The following ANXA5 variants were observed in gnomAD, a reference collection of about 807,000 sequenced individuals.
ANXA5 encodes annexin A5.
A neutral mutation model predicts 48.1 loss-of-function variants in ANXA5; 40 were observed. The ratio of observed to expected loss-of-function variants is 0.83; its 90% CI spans 0.65 to 1.08. ANXA5 has a LOEUF of 1.08. ANXA5 is among the 50% of genes least tolerant of loss of function. The pLI is 0.00. For synonymous variants in ANXA5, 113 were observed against 129.1 expected, an observed-to-expected ratio of 0.88 and a Z score of 0.85; for missense variants, 357 against 376.8, an observed-to-expected ratio of 0.95 and a Z score of 0.44.
intron 9 of ANXA5, 145 bp from the exon 10 acceptor site, chr4:121,671,787 G>A (rs1389998158): frequency 1.6e-6 from 1 of 630,676 alleles, no homozygotes. Context: ...AAGCCTCAAT[G>A]TGCCAAGCCC....
At chr4:121,668,676 G>T in intron 12 of ANXA5, 149 bp from the exon 13 acceptor site, 1 of 666,400 alleles carries the variant, frequency 1.5e-6, no homozygotes, top group Non-Finnish European at 2.6e-6. Context: ...TGTTATGCAG[G>T]GAGTTTCCTA....
chr4:121,693,234 G>C (rs6534312), intron 2 of ANXA5, among the ~76,000 whole-genome samples: 66,173 of 151,028 alleles, frequency 0.44, 16,028 homozygotes, highest in East Asian at 0.73. Flanking sequence ...ACTCCATCTC[G>C]GGGGAGAAAA....
intron 5 of ANXA5, 129 bp from the exon 6 acceptor site, chr4:121,681,890 G>A (rs542213214): frequency 1.7e-6 from 1 of 589,896 alleles, no homozygotes; most frequent in East Asian, 2.9e-5. Flanking sequence ...GGATTTCTTT[G>A]TATATGAGTT....
At chr4:121,673,938 T>G (rs1724653105) in intron 8 of ANXA5, among the ~76,000 whole-genome samples, 2 of 151,764 alleles carry the variant, frequency 1.3e-5, no homozygotes, top group South Asian at 4.2e-4. Context: ...TCCCAGCATT[T>G]TGGGACGCTG....
chr4:121,693,864 CA>C (rs138346575), intron 2 of ANXA5, among the ~76,000 whole-genome samples: 2,967 of 152,292 alleles, frequency 0.019, 109 homozygotes, highest in African/African-American at 0.067. Flanking sequence ...AAGATGCAAT[CA>C]ATATCCAGTC....
At chr4:121,695,685 T>A (rs1725067038) in intron 2 of ANXA5, among the ~76,000 whole-genome samples, 1 of 152,126 alleles carries the variant, frequency 6.6e-6, no homozygotes, top group Non-Finnish European at 1.5e-5. Context: ...GGAGGATCAC[T>A]TGAGGCAAGG....
Position 121,668,357 on chromosome 4 carries a change from GTAT to G in ANXA5, c.*108_*110del. The G allele has an allele frequency of 3.3e-6, 3 of 902,350 alleles. No individual in the cohort carries two copies. Among genetic ancestry groups the G allele is most frequent in the Non-Finnish European group, 5.5e-6 (3 of 547,846 alleles). 55.9% of individuals were successfully genotyped at this position (902,350 alleles called of 1,614,324 possible). ...GTATGTGTTGGTCATGAGCATGCTA[GTAT>G]GAATAAGGCAATGTGTTAAGCACTG... On this transcript the variant is annotated 3_prime_UTR_variant, in exon 13 of 13. Transcript: ENST00000296511.
intron 6 of ANXA5, among the ~76,000 whole-genome samples, chr4:121,679,681 C>A (rs1724757240): frequency 6.6e-6 from 1 of 152,160 alleles, no homozygotes; most frequent in Admixed American, 6.5e-5. Context: ...ACAGGCAGTA[C>A]CTCACCCAAA....
At chr4:121,670,589 G>A (rs1016594089) in intron 10 of ANXA5, among the ~76,000 whole-genome samples, 14 of 147,386 alleles carry the variant, frequency 9.5e-5, no homozygotes, top group Admixed American at 6.8e-5. Context: ...TGTAGGTTGG[G>A]GCTGCTCAGA....
At chr4:121,680,503 T>C (rs1437258541) in intron 6 of ANXA5, among the ~76,000 whole-genome samples, 11 of 152,228 alleles carry the variant, frequency 7.2e-5, no homozygotes, top group African/African-American at 2.7e-4. Flanking sequence ...CATTCTGTCA[T>C]GTCACCCACT....
At chr4:121,678,124 A>G (rs1724727726) in intron 7 of ANXA5, 174 bp from the exon 8 acceptor site, 5 of 626,240 alleles carry the variant, frequency 8.0e-6, no homozygotes, top group South Asian at 8.0e-5. Context: ...TCCAAAACCA[A>G]TAATGACCCT....
intron 8 of ANXA5, among the ~76,000 whole-genome samples, chr4:121,674,971 G>A (rs60379064): frequency 0.028 from 4,250 of 152,234 alleles, 205 homozygotes; most frequent in African/African-American, 0.096. Flanking sequence ...CAGCCTCAGT[G>A]TATATAGTCA....
intron 3 of ANXA5, among the ~76,000 whole-genome samples, chr4:121,685,030 A>G (rs868828617): frequency 7.9e-6 from 1 of 126,664 alleles, no homozygotes; most frequent in Non-Finnish European, 1.7e-5. Flanking sequence ...AAAAAAAAAA[A>G]TATGTATATA....
At chr4:121,669,447 G>C in intron 12 of ANXA5, 155 bp downstream of exon 12, 1 of 925,080 alleles carries the variant, frequency 1.1e-6, no homozygotes. Flanking sequence ...TCTACTTCAG[G>C]AAACATTATG....
intron 8 of ANXA5, among the ~76,000 whole-genome samples, chr4:121,676,230 A>C (rs937644711): frequency 6.6e-6 from 1 of 152,210 alleles, no homozygotes; most frequent in Non-Finnish European, 1.5e-5. Context: ...CTCTTCCCGA[A>C]AGAAGGTGGA....
chr4:121,692,211 G>A (rs1030300670), intron 2 of ANXA5, among the ~76,000 whole-genome samples: 1 of 152,204 alleles, frequency 6.6e-6, no homozygotes, highest in East Asian at 1.9e-4. Flanking sequence ...CATCACTGGA[G>A]AACAGACTAA....
Position 121,669,611 on chromosome 4 carries a change from G to A in ANXA5, c.894C>T (p.Ser298=). ...FRKNFATSLY[S]MIKGDTSGDY... ...AGAAAGGTTCTACTACCTTAATCAT[G>A]GAATAAAGAGAGGTGGCAAAATTCT... Residue 298 remains serine, a synonymous_variant, in exon 12 of 13, where the codon TCC becomes TCT. Coordinates refer to ENST00000296511, the MANE Select transcript of ANXA5 (RefSeq NM_001154.4). 1 of 1,613,288 alleles carries A rather than the reference G, an allele frequency of 6.2e-7. No homozygotes were observed. Among genetic ancestry groups the A allele is most frequent in the South Asian group, 1.1e-5 (1 of 91,030 alleles).
intron 2 of ANXA5, among the ~76,000 whole-genome samples, chr4:121,689,158 G>A (rs749350642): frequency 3.9e-5 from 6 of 152,178 alleles, no homozygotes; most frequent in Non-Finnish European, 7.3e-5. Context: ...GCCTGTGTTA[G>A]GAAAGTTCTT....
chr4:121,691,307 G>A (rs114779917), intron 2 of ANXA5, among the ~76,000 whole-genome samples: 2,197 of 111,466 alleles, frequency 0.02, 25 homozygotes, highest in Admixed American at 0.031. Flanking sequence ...TTCTTTACCC[G>A]CAAGGACTAG....
Sources: gnomAD v4.1 joint callset for allele counts (sites outside exome capture counted in the v4.1 genomes callset) on GRCh38, gnomAD v4.1.1 for gene constraint, MANE v1.5 for transcripts, NCBI Gene and HGNC (gene_info 2026-07-23, HGNC 2026-07-21) for gene names.